Variants in USP37 observed in about 807,000 individuals in gnomAD.
USP37 encodes ubiquitin carboxyl-terminal hydrolase 37.
USP37 carries 27 observed loss-of-function variants against 124.0 expected under a neutral mutation model. The ratio of observed to expected loss-of-function variants is 0.22; its 90% CI spans 0.16 to 0.30. USP37 has a LOEUF of 0.30. Among genes scored for constraint, USP37 ranks in the 10% least tolerant of loss-of-function variants. USP37 has a pLI of 1.00. For missense variants in USP37, 889 were observed against 1,140.4 expected, an observed-to-expected ratio of 0.78 and a Z score of 3.17; for synonymous variants, 365 against 388.0, an observed-to-expected ratio of 0.94 and a Z score of 0.70.
At chr2:218,466,734 T>A (rs1032378032) in intron 20 of USP37, among the ~76,000 whole-genome samples, 1 of 152,166 alleles carries the variant, frequency 6.6e-6, no homozygotes, top group Non-Finnish European at 1.5e-5. Context: ...ATTTTCCCCA[T>A]TCTTTTTTTT....
chr2:218,517,595 T>C (rs569056020), intron 10 of USP37, among the ~76,000 whole-genome samples: 2 of 152,366 alleles, frequency 1.3e-5, no homozygotes, highest in East Asian at 3.9e-4. Context: ...AAAGGTCAGA[T>C]ATTTTTGCTC....
rs1265269423 is a variant in USP37, at chr2:218,461,821, G to A, written c.2527+1485C>T. 2.6e-5 allele frequency among the ~76,000 whole-genome samples: 4 copies of A among 152,032 alleles called. No individual in the cohort carries two copies. In the East Asian group the frequency reaches 5.8e-4, roughly 22 times the overall value. The stretch of plus-strand genomic sequence containing the variant: ...GATCAGGAGTTCGAGACCAGCCTGG[G>A]CAACATGCCAAAACTCCATCTCTAC... On this transcript the variant is annotated intron_variant, in intron 22 of 25. Coordinates refer to ENST00000258399, the MANE Select transcript of USP37 (RefSeq NM_020935.3).
rs769004578 is a variant in USP37 at position 218,479,647 on chromosome 2, C to T, written c.1901+3G>A. On this transcript the variant is annotated splice_donor_region_variant and intron_variant, in intron 18 of 25. Transcript: ENST00000258399. ...TTTTGGGTACATAAGAAATATAACT[C>T]ACTTTGAAGGTGTAGAAGGGCTGGT... The T allele has an allele frequency of 1.2e-6, 2 of 1,612,076 alleles. No homozygotes were observed. Among genetic ancestry groups the T allele is most frequent in the Non-Finnish European group, 1.7e-6 (2 of 1,178,810 alleles).
intron 16 of USP37, among the ~76,000 whole-genome samples, chr2:218,484,982 T>C (rs1490390422): frequency 6.6e-6 from 1 of 152,182 alleles, no homozygotes; most frequent in African/African-American, 2.4e-5. Context: ...ATTTATCTTA[T>C]GATTACAGGA....
At chr2:218,489,937 T>C (rs1005957528) in intron 14 of USP37, among the ~76,000 whole-genome samples, 12 of 152,248 alleles carry the variant, frequency 7.9e-5, no homozygotes, top group East Asian at 1.9e-4. Context: ...ATGACTCTAC[T>C]GCATTTTCGT....
chr2:218,464,239 C>CTT (rs71403042), intron 21 of USP37, among the ~76,000 whole-genome samples: 3 of 142,838 alleles, frequency 2.1e-5, no homozygotes, highest in Non-Finnish European at 3.1e-5. Flanking sequence ...AATTAGATTT[C>CTT]TTTTTTTTTT....
rs1407372761 is a variant in USP37 at position 218,488,361 on chromosome 2, A to G, written c.1533T>C (p.Arg511=). Residue 511 remains arginine (R), a synonymous_variant, in exon 15 of 26, where the codon CGT becomes CGC. Transcript: ENST00000258399. ...AACGAGGAGGGAGTGGTTTTTTCCT[A>G]CGAGGAAGGTCAATAGAGAGGTCAT... ...QFNDLSIDLP[R]RKKPLPPRSI... is the part of the protein sequence containing the mutation. 1.9e-6 allele frequency: 3 copies of G among 1,612,918 alleles called. No homozygotes were observed. Among genetic ancestry groups the G allele is most frequent in the Non-Finnish European group, 2.5e-6 (3 of 1,179,552 alleles).
At chr2:218,563,621 A>G (rs1228802192) in intron 1 of USP37, among the ~76,000 whole-genome samples, 3 of 152,274 alleles carry the variant, frequency 2.0e-5, no homozygotes, top group South Asian at 2.1e-4. Flanking sequence ...CACATCTCTC[A>G]CTGCCTATCT....
chr2:218,463,484 G>A, intron 21 of USP37, 118 bp from the exon 22 acceptor site: 1 of 776,188 alleles, frequency 1.3e-6, no homozygotes, highest in Non-Finnish European at 2.1e-6. Flanking sequence ...ATAACCTTAT[G>A]GATGTTTGGA....
intron 15 of USP37, chr2:218,486,175 G>A (rs1691549817): frequency 6.5e-6 from 1 of 153,906 alleles, no homozygotes; most frequent in South Asian, 2.1e-4. Flanking sequence ...TCGCATAATG[G>A]AACTCAATCT....
chr2:218,566,128 T>G (rs1404497956), intron 1 of USP37, among the ~76,000 whole-genome samples: 3 of 152,180 alleles, frequency 2.0e-5, no homozygotes, highest in Non-Finnish European at 4.4e-5. Flanking sequence ...GTCTTAAGAT[T>G]AAGACTTGGG....
At chr2:218,498,899 T>C (rs1436090182) in intron 11 of USP37, among the ~76,000 whole-genome samples, 1 of 152,226 alleles carries the variant, frequency 6.6e-6, no homozygotes, top group Non-Finnish European at 1.5e-5. Context: ...TGAAAATGAA[T>C]GCTCAGAAAA....
intron 5 of USP37, among the ~76,000 whole-genome samples, chr2:218,552,379 G>A (rs543952333): frequency 1.2e-4 from 18 of 152,144 alleles, no homozygotes; most frequent in Admixed American, 1.3e-4. Context: ...AAAGACTAAT[G>A]TGATAGTAGA....
intron 14 of USP37, among the ~76,000 whole-genome samples, chr2:218,494,505 A>G (rs1445446836): frequency 6.6e-6 from 1 of 152,240 alleles, no homozygotes; most frequent in Non-Finnish European, 1.5e-5. Flanking sequence ...ACAGATTTTC[A>G]GGAAGAAAAA....
At chr2:218,540,073 CT>C (rs1285611023) in intron 8 of USP37, among the ~76,000 whole-genome samples, 1 of 152,040 alleles carries the variant, frequency 6.6e-6, no homozygotes, top group Non-Finnish European at 1.5e-5. Context: ...AAAGGAGGCA[CT>C]TTACAGTTTC....
intron 16 of USP37, among the ~76,000 whole-genome samples, chr2:218,482,975 A>G (rs1457436542): frequency 1.3e-5 from 2 of 152,154 alleles, no homozygotes; most frequent in Non-Finnish European, 2.9e-5. Context: ...TATGGGAATA[A>G]ACTTCAGTTC....
chr2:218,548,317 C>G (rs950060198), intron 6 of USP37, among the ~76,000 whole-genome samples: 1 of 151,864 alleles, frequency 6.6e-6, no homozygotes, highest in Admixed American at 6.6e-5. Flanking sequence ...GAATATTATC[C>G]CATCCCATAG....
intron 14 of USP37, among the ~76,000 whole-genome samples, chr2:218,489,921 C>T (rs1691832911): frequency 6.6e-6 from 1 of 152,220 alleles, no homozygotes; most frequent in Admixed American, 6.5e-5. Flanking sequence ...ACTATGCCTG[C>T]TGCGCATGAC....
At chr2:218,482,296 T>G (rs1691309801) in intron 16 of USP37, 62 bp from the exon 17 acceptor site, 1 of 1,522,858 alleles carries the variant, frequency 6.6e-7, no homozygotes, top group Non-Finnish European at 8.9e-7. Flanking sequence ...TTTCTTACAG[T>G]AAAAGAGATC....
Sources: gnomAD v4.1 joint callset for allele counts (sites outside exome capture counted in the v4.1 genomes callset) on GRCh38, gnomAD v4.1.1 for gene constraint, MANE v1.5 for transcripts, NCBI Gene and HGNC (gene_info 2026-07-23, HGNC 2026-07-21) for gene names.